RFX7: variants seen among roughly 807,000 people sequenced by gnomAD.
RFX7 encodes DNA-binding protein RFX7.
A neutral mutation model predicts 111.8 loss-of-function variants in RFX7; 26 were observed. The observed-to-expected ratio is 0.23, with a 90% CI of 0.17 to 0.32. The LOEUF (loss-of-function observed/expected upper bound fraction) is 0.32. Ranked by LOEUF, RFX7 falls within the 10% of genes least tolerant of loss-of-function variation. RFX7 has a pLI of 1.00. For missense variants in RFX7, 1,573 were observed against 1,772.9 expected (o/e 0.89, Z 2.02); for synonymous variants, 624 against 624.4 (o/e 1.00, Z 0.01).
At chr15:56,117,626 T>A (rs1157700940) in intron 5 of RFX7, among the ~76,000 whole-genome samples, 1 of 152,120 alleles carries the variant, frequency 6.6e-6, no homozygotes, top group Non-Finnish European at 1.5e-5. Flanking sequence ...TCTCTTCCTA[T>A]CCCCATCCCC....
At chr15:56,183,610 A>G (rs67883950) in intron 2 of RFX7, among the ~76,000 whole-genome samples, 26,101 of 152,132 alleles carry the variant, frequency 0.17, 2,891 homozygotes, top group Middle Eastern at 0.25. Flanking sequence ...CTTCAAATTT[A>G]TTACTGTTAT....
Position 56,095,590 on chromosome 15 carries a change from T to G in RFX7, c.2138A>C (p.Gln713Pro). Residue 713 changes from glutamine to proline, a missense_variant, in exon 10 of 10, where the codon CAG (glutamine) becomes CCG (proline). Physicochemically the swap from Gln to Pro is moderately conservative, Grantham distance 76 (BLOSUM62 -1). Transcript: ENST00000559447. ...GKTEGSTAGA[Q>P]IPSKVSVNVS... is the part of the protein sequence containing the mutation. ...ATTTACTGATACCTTGCTAGGAATC[T>G]GAGCACCTGCTGTTGAACCTTCTGT... 2.5e-6 allele frequency: 4 copies of G among 1,613,984 alleles called. No homozygotes were observed. Among genetic ancestry groups the G allele is most frequent in the Non-Finnish European group, 2.5e-6 (3 of 1,179,826 alleles).
intron 3 of RFX7, among the ~76,000 whole-genome samples, chr15:56,154,385 T>C (rs1250651327): frequency 7.5e-5 from 11 of 147,468 alleles, no homozygotes; most frequent in African/African-American, 2.7e-4. Context: ...CAAACTATAC[T>C]ACAAGGCTAC....
intron 2 of RFX7, among the ~76,000 whole-genome samples, chr15:56,217,119 TCTA>T (rs1244324563): frequency 1.3e-5 from 2 of 152,212 alleles, no homozygotes; most frequent in African/African-American, 4.8e-5. Flanking sequence ...TTATTTTCTT[TCTA>T]TATAGACACA....
At position 56,094,491 on chromosome 15, in the gene RFX7, G is replaced by A. The variant is rs1190791925; in HGVS notation, c.3237C>T (p.Gly1079=). 6.2e-7 allele frequency: 1 copy of A among 1,613,872 alleles called. No individual in the cohort carries two copies. The highest frequency in any genetic ancestry group is 8.5e-7 in the Non-Finnish European group (1 of 1,179,874). The part of the protein sequence containing the change: ...YSGVGNSSVS[G]HGILPSYQEL... ...CCTGATAGCTTGGGAGAATACCATGGCCAGAAACTGATGAATTACCAACCC... is the reference window on the plus strand; with the variant it reads ...CCTGATAGCTTGGGAGAATACCATGACCAGAAACTGATGAATTACCAACCC... The change falls in exon 10 of 10, where the codon GGC becomes GGT. Residue 1079 remains glycine, a synonymous_variant. Coordinates refer to ENST00000559447, the MANE Select transcript of RFX7 (RefSeq NM_022841.7).
chr15:56,208,496 G>A (rs560194920), intron 2 of RFX7, among the ~76,000 whole-genome samples: 138 of 152,142 alleles, frequency 9.1e-4, no homozygotes, highest in African/African-American at 3.1e-3. Context: ...TCAGTAACTC[G>A]CACCTGGTTA....
At chr15:56,147,349 T>C (rs1436777921) in intron 3 of RFX7, among the ~76,000 whole-genome samples, 2 of 152,174 alleles carry the variant, frequency 1.3e-5, no homozygotes, top group African/African-American at 2.4e-5. Context: ...ACATATCATG[T>C]GATTCTGTTT....
intron 2 of RFX7, among the ~76,000 whole-genome samples, chr15:56,186,861 TTAACACAGCTA>T (rs1236383087): frequency 6.6e-6 from 1 of 152,172 alleles, no homozygotes; most frequent in East Asian, 1.9e-4. Flanking sequence ...TATCTAATTT[TTAACACAGCTA>T]TAATCAAAGC....
chr15:56,106,078 A>G (rs2041826008), intron 5 of RFX7, among the ~76,000 whole-genome samples: 1 of 152,224 alleles, frequency 6.6e-6, no homozygotes, highest in South Asian at 2.1e-4. Flanking sequence ...GAGGGGAGTG[A>G]GAGATGACTA....
intron 3 of RFX7, among the ~76,000 whole-genome samples, chr15:56,164,987 T>C (rs1483665334): frequency 6.6e-6 from 1 of 152,186 alleles, no homozygotes; most frequent in Non-Finnish European, 1.5e-5. Context: ...AATTTTTCCA[T>C]GGATGGGGTG....
intron 2 of RFX7, among the ~76,000 whole-genome samples, chr15:56,234,849 A>G (rs1276691543): frequency 6.6e-6 from 1 of 152,220 alleles, no homozygotes; most frequent in African/African-American, 2.4e-5. Context: ...AGAAAATGAG[A>G]GTGTTTCATT....
At position 56,095,375 on chromosome 15, in the gene RFX7, T is replaced by G; in HGVS notation, c.2353A>C (p.Ile785Leu). Residue 785 changes from isoleucine to leucine, a missense_variant, in exon 10 of 10, where the codon ATC becomes CTC. By Grantham distance (5) the Ile-to-Leu change is conservative (BLOSUM62 2). Around this residue, in one of 7 missense-constraint regions of RFX7, gnomAD observed 625 missense variants for 632.2 expected, o/e 0.99. Coordinates refer to ENST00000559447, the MANE Select transcript of RFX7 (RefSeq NM_022841.7). The stretch of plus-strand genomic sequence containing the variant: ...GATATAAACTCAGAATCTTTAGTGA[T>G]TTGTTGCCATCCATTTGGATTAAAG... ...GSFNPNGWQQ[I>L]TKDSEFISAS... The G allele has an allele frequency of 6.2e-7, 1 of 1,613,822 alleles. No homozygotes were observed. The highest frequency in any genetic ancestry group is 8.5e-7 in the Non-Finnish European group (1 of 1,179,874).
chr15:56,094,628 C>T lies in RFX7; in HGVS notation c.3100G>A (p.Ala1034Thr), dbSNP rs2041645608. Residue 1034 changes from alanine (A) to threonine (T), a missense_variant, in exon 10 of 10, where the codon GCA becomes ACA. Transcript: ENST00000559447. The part of the protein sequence containing the change: ...FAFTPISSSM[A>T]YHDASIVSSS... ...GAGACAATGCTGGCGTCATGATATG[C>T]CATACTGGAGCTTATTGGAGTGAAT... The T allele has an allele frequency of 6.2e-7, 1 of 1,613,904 alleles. No individual in the cohort carries two copies. The highest frequency in any genetic ancestry group is 8.5e-7 in the Non-Finnish European group (1 of 1,179,872).
chr15:56,127,781 C>T (rs982467661), intron 5 of RFX7, among the ~76,000 whole-genome samples: 8 of 151,608 alleles, frequency 5.3e-5, no homozygotes, highest in South Asian at 2.1e-4. Flanking sequence ...CTCCTGACCT[C>T]GTGATCTGCC....
intron 3 of RFX7, among the ~76,000 whole-genome samples, chr15:56,152,349 T>C (rs377129731): frequency 3.9e-5 from 6 of 151,966 alleles, no homozygotes; most frequent in African/African-American, 1.4e-4. Flanking sequence ...TCATAACATA[T>C]AGTCTCCCAG....
chr15:56,148,907 C>G (rs933326441), intron 3 of RFX7, among the ~76,000 whole-genome samples: 1 of 151,988 alleles, frequency 6.6e-6, no homozygotes, highest in African/African-American at 2.4e-5. Context: ...CGGTGAAACC[C>G]CATCTCTACT....
intron 2 of RFX7, among the ~76,000 whole-genome samples, chr15:56,199,437 A>T (rs1245406677): frequency 5.9e-5 from 9 of 152,170 alleles, no homozygotes; most frequent in African/African-American, 1.9e-4. Context: ...GATTGTAAAA[A>T]TATGTATTTT....
chr15:56,148,059 A>C (rs1246895702), intron 3 of RFX7, among the ~76,000 whole-genome samples: 3 of 152,270 alleles, frequency 2.0e-5, no homozygotes, highest in African/African-American at 4.8e-5. Flanking sequence ...ATATTATTCA[A>C]GTCTTTTGAA....
intron 2 of RFX7, among the ~76,000 whole-genome samples, chr15:56,224,091 C>T (rs1204846693): frequency 1.3e-5 from 2 of 151,552 alleles, no homozygotes; most frequent in Admixed American, 1.3e-4. Flanking sequence ...GCAGCTGGAC[C>T]TAATATAAAT....
Sources: gnomAD v4.1 joint callset for allele counts (sites outside exome capture counted in the v4.1 genomes callset) on GRCh38, gnomAD v4.1.1 for gene constraint, gnomAD v4.1.1 regional missense constraint, MANE v1.5 for transcripts, NCBI Gene and HGNC (gene_info 2026-07-23, HGNC 2026-07-21) for gene names.